LRIF1: variants seen among roughly 807,000 people sequenced by gnomAD.
LRIF1 encodes the protein ligand dependent nuclear receptor interacting factor 1.
LRIF1 carries 32 observed loss-of-function variants against 52.7 expected under a neutral mutation model. That is an observed-to-expected ratio of 0.61 (90% CI 0.46 to 0.82). The LOEUF (loss-of-function observed/expected upper bound fraction) is 0.82. Ranked by LOEUF, LRIF1 falls within the 40% of genes least tolerant of loss-of-function variation. LRIF1 has a pLI of 0.00. For missense variants in LRIF1, 887 were observed against 892.0 expected (o/e 0.99, Z 0.07); for synonymous variants, 323 against 317.4 (o/e 1.02, Z -0.19).
chr1:110,914,352 A>T, the LRIF1 span, among the ~76,000 whole-genome samples: 1 of 152,254 alleles, frequency 6.6e-6, no homozygotes, highest in African/African-American at 2.4e-5. Context: ...CAAATAAATG[A>T]GAAAAAGACA....
chr1:110,882,311 G>A, the LRIF1 span, among the ~76,000 whole-genome samples: 1 of 152,018 alleles, frequency 6.6e-6, no homozygotes, highest in Non-Finnish European at 1.5e-5. Flanking sequence ...CATATTAATA[G>A]ACAATTGTTC....
At chr1:110,879,702 A>T in the LRIF1 span, among the ~76,000 whole-genome samples, 1 of 152,180 alleles carries the variant, frequency 6.6e-6, no homozygotes, top group Non-Finnish European at 1.5e-5. Flanking sequence ...GCTGAAGATG[A>T]AGAACTGATA....
intron 1 of LRIF1, among the ~76,000 whole-genome samples, chr1:110,959,947 T>A (rs1658877935): frequency 6.6e-6 from 1 of 152,014 alleles, no homozygotes; most frequent in Non-Finnish European, 1.5e-5. Flanking sequence ...TGCTAGGAAA[T>A]CCTTTTCTTA....
At chr1:110,934,519 C>G in the LRIF1 span, among the ~76,000 whole-genome samples, 32 of 152,294 alleles carry the variant, frequency 2.1e-4, no homozygotes, top group South Asian at 6.6e-3. Flanking sequence ...AACTGACAAG[C>G]TCTTGGGCCT....
downstream of LRIF1, among the ~76,000 whole-genome samples, chr1:110,946,172 A>G (rs867922204): frequency 3.9e-5 from 6 of 152,382 alleles, no homozygotes; most frequent in African/African-American, 1.4e-4. Context: ...TGAAGTGCTG[A>G]TAAATGCTAC....
Position 110,951,495 on chromosome 1 carries a change from A to T in LRIF1, c.1389T>A (p.Ser463Arg). The T allele has an allele frequency of 1.2e-6, 2 of 1,614,130 alleles. No homozygotes were observed. The highest frequency in any genetic ancestry group is 1.7e-6 in the Non-Finnish European group (2 of 1,180,008). ...AAGTCTTACTCTGTTTTAAGTAGTT[A>T]CTGGATTGGTTCATATGTGGATTTG... ...STTNPHMNQS[S>R]NYLKQSKTLF... Residue 463 changes from serine to arginine, a missense_variant, in exon 2 of 4, where the codon AGT (serine) becomes AGA (arginine). By Grantham distance (110) the Ser-to-Arg change is moderately radical. Transcript: ENST00000369763.
At chr1:110,896,744 C>T in the LRIF1 span, 45 of 1,608,972 alleles carry the variant, frequency 2.8e-5, no homozygotes, top group African/African-American at 3.5e-4. Flanking sequence ...GTAATTTTGT[C>T]GGCAATGTTT....
rs372607968 is a variant in LRIF1, at chr1:110,948,224, G to A, written c.2045C>T (p.Thr682Met). 2.2e-5 allele frequency: 35 copies of A among 1,613,836 alleles called. No individual in the cohort carries two copies. The highest frequency in any genetic ancestry group is 4.0e-5 in the African/African-American group (3 of 74,888). Residue 682 changes from threonine (T) to methionine (M), a missense_variant, in exon 4 of 4, where the codon ACG becomes ATG. Coordinates refer to ENST00000369763, the MANE Select transcript of LRIF1 (RefSeq NM_018372.4). ...TTCTTGTCTGGTTTTGCTGTGACTC[G>A]TGAGAATGTTATGTTGTGACACATC... is the stretch of plus-strand genomic sequence containing the variant. Reference protein sequence around the residue: ...TSDVSQHNILTSHSKTRQEKR... With the variant: ...TSDVSQHNILMSHSKTRQEKR...
the LRIF1 span, among the ~76,000 whole-genome samples, chr1:110,902,502 A>AG: frequency 1.4e-3 from 200 of 145,632 alleles, no homozygotes; most frequent in African/African-American, 4.6e-3. Flanking sequence ...CACTAAAAAA[A>AG]AAAAAAAAAA....
the LRIF1 span, among the ~76,000 whole-genome samples, chr1:110,875,911 A>G: frequency 6.6e-6 from 1 of 152,242 alleles, no homozygotes; most frequent in African/African-American, 2.4e-5. Flanking sequence ...ACTGAGAGTT[A>G]GAGGTGAGTG....
chr1:110,957,301 CAAAA>C (rs35011841), intron 1 of LRIF1, among the ~76,000 whole-genome samples: 7 of 81,874 alleles, frequency 8.5e-5, no homozygotes, highest in South Asian at 4.5e-4. Context: ...ACTAAAAATA[CAAAA>C]AAAAAAAAAA....
the LRIF1 span, among the ~76,000 whole-genome samples, chr1:110,935,256 T>C: frequency 1.3e-5 from 2 of 152,160 alleles, no homozygotes; most frequent in African/African-American, 4.8e-5. Flanking sequence ...AATAAATACC[T>C]AACTCTTCTA....
At chr1:110,917,586 T>C in the LRIF1 span, among the ~76,000 whole-genome samples, 1 of 151,998 alleles carries the variant, frequency 6.6e-6, no homozygotes, top group Non-Finnish European at 1.5e-5. Flanking sequence ...TTGACATATA[T>C]CAATGCACAT....
chr1:110,918,472 G>A, the LRIF1 span, among the ~76,000 whole-genome samples: 1 of 152,098 alleles, frequency 6.6e-6, no homozygotes, highest in Non-Finnish European at 1.5e-5. Context: ...TAAACGTTAT[G>A]TATAAATGAC....
downstream of LRIF1, chr1:110,944,896 G>GGT (rs563852119): frequency 2.9e-5 from 4 of 138,764 alleles, no homozygotes; most frequent in Non-Finnish European, 4.7e-5. Context: ...CAAGGTTGCT[G>GGT]TTTTTTTTTT....
the LRIF1 span, among the ~76,000 whole-genome samples, chr1:110,926,480 T>C: frequency 6.6e-6 from 1 of 151,984 alleles, no homozygotes; most frequent in Non-Finnish European, 1.5e-5. Context: ...GAGTTATATA[T>C]TACACTTCAC....
the LRIF1 span, among the ~76,000 whole-genome samples, chr1:110,902,728 G>A: frequency 1.3e-5 from 2 of 152,060 alleles, no homozygotes; most frequent in Admixed American, 6.5e-5. Flanking sequence ...AAGGTATAGC[G>A]AGATGGTGGA....
downstream of LRIF1, among the ~76,000 whole-genome samples, chr1:110,945,555 A>G (rs746257875): frequency 8.6e-5 from 13 of 151,974 alleles, no homozygotes; most frequent in Non-Finnish European, 1.9e-4. Context: ...CATTCCCAGT[A>G]GCCGAGATTA....
chr1:110,929,905 G>C, the LRIF1 span, among the ~76,000 whole-genome samples: 1 of 152,060 alleles, frequency 6.6e-6, no homozygotes, highest in African/African-American at 2.4e-5. Context: ...AGAACTATTA[G>C]GTACTAGTCT....
Sources: gnomAD v4.1 joint callset for allele counts (sites outside exome capture counted in the v4.1 genomes callset) on GRCh38, gnomAD v4.1.1 for gene constraint, MANE v1.5 for transcripts, NCBI Gene and HGNC (gene_info 2026-07-23, HGNC 2026-07-21) for gene names.